The following AGAP1 variants were observed in gnomAD, a reference collection of about 807,000 sequenced individuals.
The protein encoded by AGAP1 is ArfGAP with GTPase domain, ankyrin repeat and PH domain 1, also known as arf-GAP with GTPase, ANK repeat and PH domain-containing protein 1.
Under a neutral mutation model 105.3 loss-of-function variants are expected in AGAP1, and 29 were observed. The observed-to-expected ratio is 0.28, with a 90% confidence interval of 0.21 to 0.38. AGAP1 has a LOEUF of 0.38. Ranked by LOEUF, AGAP1 falls within the 10% of genes least tolerant of loss-of-function variation. The pLI, the probability that AGAP1 is intolerant of heterozygous loss-of-function variation, is 1.00. For missense variants in AGAP1, 998 were observed against 1,165.1 expected (o/e 0.86, Z 2.09); for synonymous variants, 509 against 485.9 (o/e 1.05, Z -0.63).
chr2:236,017,813 G>A (rs571869020), intron 13 of AGAP1, among the ~76,000 whole-genome samples: 5 of 152,144 alleles, frequency 3.3e-5, no homozygotes, highest in Non-Finnish European at 7.3e-5. Context: ...CACTCCCCCT[G>A]CCAGGTAGGT....
At chr2:235,838,777 CCTT>C (rs1960464645) in intron 9 of AGAP1, among the ~76,000 whole-genome samples, 1 of 152,200 alleles carries the variant, frequency 6.6e-6, no homozygotes. Flanking sequence ...CCATCCCCAA[CCTT>C]CTAGTATTTT....
chr2:235,528,762 C>T (rs111381469), intron 1 of AGAP1, among the ~76,000 whole-genome samples: 3 of 152,080 alleles, frequency 2.0e-5, no homozygotes, highest in Admixed American at 6.5e-5. Flanking sequence ...CTGAAACCTC[C>T]GCCTCCCGGG....
rs1950898752 is a variant in AGAP1 at position 235,712,350 on chromosome 2, C to T, written c.222+3113C>T. The stretch of plus-strand genomic sequence containing the variant: ...TTCTGAAGTTGTGCTGTGGTCAGAT[C>T]GTCCATGACCAGTTGCTTTTGGTGC... On this transcript the variant is annotated intron_variant, in intron 2 of 17. Coordinates refer to ENST00000304032, the MANE Select transcript of AGAP1 (RefSeq NM_001037131.3). This position sits in a 1 kb window ranked among gnomAD's most constrained non-coding sequence, Gnocchi z 6.0. Among the ~76,000 whole-genome samples the T allele has an allele frequency of 1.3e-5, 2 of 152,236 alleles. No individual in the cohort carries two copies. The highest frequency in any genetic ancestry group is 4.1e-4 in the South Asian group (2 of 4,836).
chr2:235,999,490 AGGTGGT>A (rs1238915882), intron 13 of AGAP1, among the ~76,000 whole-genome samples: 1 of 124,578 alleles, frequency 8.0e-6, no homozygotes, highest in Non-Finnish European at 1.7e-5. Flanking sequence ...CGATGGTGAG[AGGTGGT>A]GGTGGTAGTG....
chr2:235,776,402 CTG>C (rs890002854), intron 6 of AGAP1, among the ~76,000 whole-genome samples: 2 of 152,242 alleles, frequency 1.3e-5, no homozygotes, highest in Non-Finnish European at 2.9e-5. Context: ...TGACCCCACA[CTG>C]AATCTTTGCT....
chr2:235,764,244 C>T (rs1226021009), intron 6 of AGAP1, among the ~76,000 whole-genome samples: 2 of 152,234 alleles, frequency 1.3e-5, no homozygotes, highest in African/African-American at 4.8e-5. Flanking sequence ...GTTCCTTGAG[C>T]ATGGCTGTGT....
intron 1 of AGAP1, among the ~76,000 whole-genome samples, chr2:235,695,711 C>G (rs2149457309): frequency 6.6e-6 from 1 of 152,294 alleles, no homozygotes; most frequent in African/African-American, 2.4e-5. Flanking sequence ...AGTGGGGGCA[C>G]TTTGCTGGGT....
intron 6 of AGAP1, among the ~76,000 whole-genome samples, chr2:235,773,601 G>A (rs577641138): frequency 6.6e-6 from 1 of 152,198 alleles, no homozygotes; most frequent in South Asian, 2.1e-4. Flanking sequence ...AGCGTGAATC[G>A]GCCTTAGGTT....
chr2:235,870,705 C>G (rs2049395751), intron 9 of AGAP1, among the ~76,000 whole-genome samples: 1 of 152,102 alleles, frequency 6.6e-6, no homozygotes, highest in African/African-American at 2.4e-5. Flanking sequence ...ATCCAGCCAG[C>G]ACATGATGCT....
rs536643815 is a variant in AGAP1 at position 235,739,149 on chromosome 2, G to A, written c.311-1814G>A. On this transcript the variant is annotated intron_variant, in intron 3 of 17. Coordinates refer to ENST00000304032, the MANE Select transcript of AGAP1 (RefSeq NM_001037131.3). This position sits in a 1 kb window ranked among gnomAD's most constrained non-coding sequence, Gnocchi z 5.3. Reference sequence around the variant, plus strand: ...TAGGACATCATCCCCTTTGCATCTGGGGACACTGAGATGGGGCGAGGTGGG... The same window carrying A: ...TAGGACATCATCCCCTTTGCATCTGAGGACACTGAGATGGGGCGAGGTGGG... Among the ~76,000 whole-genome samples, 228 of 152,174 alleles carry A rather than the reference G, an allele frequency of 1.5e-3. 1 individual carries two copies. Among genetic ancestry groups the A allele is most frequent in the African/African-American group, 4.8e-3 (201 of 41,484 alleles).
In AGAP1 at chr2:235,754,929, G is replaced by T. The variant is rs1953789548; in HGVS notation, c.673+4441G>T. 6.6e-6 allele frequency among the ~76,000 whole-genome samples: 1 copy of T among 152,244 alleles called. No individual in the cohort carries two copies. The highest frequency in any genetic ancestry group is 6.5e-5 in the Admixed American group (1 of 15,294). ...TGTGGCAGCCCAGGCTGCTTTCTGG[G>T]GGTGGAGCGTTCTCGCTCCTGCTCA... On this transcript the variant is annotated intron_variant, in intron 6 of 17. Coordinates refer to ENST00000304032, the MANE Select transcript of AGAP1 (RefSeq NM_001037131.3). The surrounding 1 kb of genome is among the most constrained non-coding windows in gnomAD (Gnocchi z 4.6).
rs1223923379 is a variant in AGAP1 at position 236,055,528 on chromosome 2, G to A, written c.2114+6247G>A. Reference sequence around the variant, plus strand: ...ACAGTACCACTAATTGCAACTCAAAGTGAATTTCTGTCACCGCGGCGTGCT... The same window carrying A: ...ACAGTACCACTAATTGCAACTCAAAATGAATTTCTGTCACCGCGGCGTGCT... On this transcript the variant is annotated intron_variant, in intron 16 of 17. Transcript: ENST00000304032. This position sits in a 1 kb window ranked among gnomAD's most constrained non-coding sequence, Gnocchi z 6.2. Among the ~76,000 whole-genome samples, 1 of 152,232 alleles carries A rather than the reference G, an allele frequency of 6.6e-6. No homozygotes were observed. The highest frequency in any genetic ancestry group is 1.5e-5 in the Non-Finnish European group (1 of 68,046).
chr2:236,028,992 G>A (rs1056946895), intron 13 of AGAP1, among the ~76,000 whole-genome samples: 2 of 151,858 alleles, frequency 1.3e-5, no homozygotes, highest in African/African-American at 4.8e-5. Flanking sequence ...TCTTGCAGAG[G>A]TTTACCACAT....
chr2:235,816,382 G>A (rs941259752), intron 9 of AGAP1, among the ~76,000 whole-genome samples: 4 of 149,114 alleles, frequency 2.7e-5, no homozygotes, highest in East Asian at 2.0e-4. Context: ...AGGTTGCAGC[G>A]AGCCAAGATC....
At chr2:236,015,660 A>G (rs1242963900) in intron 13 of AGAP1, among the ~76,000 whole-genome samples, 1 of 152,154 alleles carries the variant, frequency 6.6e-6, no homozygotes, top group Non-Finnish European at 1.5e-5. Flanking sequence ...AGGCGGGGGC[A>G]TCGGGCGTGT....
intron 13 of AGAP1, among the ~76,000 whole-genome samples, chr2:236,033,288 C>T (rs1474429376): frequency 6.6e-6 from 1 of 152,070 alleles, no homozygotes; most frequent in African/African-American, 2.4e-5. Context: ...CATAGAACAG[C>T]CACTGTAGGG....
rs539738531 is a variant in AGAP1, at chr2:235,512,346, C to T, written c.163+17497C>T. Among the ~76,000 whole-genome samples, 115 of 152,204 alleles carry T rather than the reference C, an allele frequency of 7.6e-4. 1 individual carries two copies. The highest frequency in any genetic ancestry group is 2.7e-3 in the African/African-American group (112 of 41,522). ...GTGCATTGGCTCACACCTGTGATCC[C>T]AACACTTTGGGAGACCGAAGTGGGA... On this transcript the variant is annotated intron_variant, in intron 1 of 17. Transcript: ENST00000304032.
intron 1 of AGAP1, among the ~76,000 whole-genome samples, chr2:235,666,523 G>T (rs1948132167): frequency 6.6e-6 from 1 of 152,004 alleles, no homozygotes; most frequent in South Asian, 2.1e-4. Context: ...GCATCATTAT[G>T]ACTGGTGTGG....
intron 16 of AGAP1, among the ~76,000 whole-genome samples, chr2:236,084,748 C>T (rs544608721): frequency 9.2e-4 from 140 of 151,746 alleles, no homozygotes; most frequent in Admixed American, 1.7e-3. Context: ...GCTAATAATA[C>T]AAAAAATTAG....
Sources: gnomAD v4.1 joint callset for allele counts (sites outside exome capture counted in the v4.1 genomes callset) on GRCh38, gnomAD v4.1.1 for gene constraint, Gnocchi (gnomAD v3.1) non-coding constraint, MANE v1.5 for transcripts, NCBI Gene and HGNC (gene_info 2026-07-23, HGNC 2026-07-21) for gene names.